Variants in MANBA observed in about 807,000 individuals in gnomAD.
MANBA encodes the protein beta-mannosidase.
MANBA carries 83 observed loss-of-function variants against 111.1 expected under a neutral mutation model. The observed-to-expected ratio is 0.75, with a 90% CI of 0.63 to 0.90. The LOEUF is 0.90. Among genes scored for constraint, MANBA ranks in the 40% least tolerant of loss-of-function variants. The pLI is 0.00. For missense variants in MANBA, 1,036 were observed against 1,069.0 expected, an observed-to-expected ratio of 0.97 and a Z score of 0.43; for synonymous variants, 370 against 378.7, an observed-to-expected ratio of 0.98 and a Z score of 0.27.
chr4:102,680,295 T>C (rs1470163997), intron 7 of MANBA, among the ~76,000 whole-genome samples: 1 of 152,204 alleles, frequency 6.6e-6, no homozygotes, highest in Non-Finnish European at 1.5e-5. Flanking sequence ...TGGAGTCTAT[T>C]TGCAAATATT....
chr4:102,734,320 G>A lies in MANBA; in HGVS notation c.178-7637C>T, dbSNP rs1578949120. 4 of 1,579,898 alleles carry A rather than the reference G, an allele frequency of 2.5e-6. No individual in the cohort carries two copies. In the East Asian group the frequency reaches 9.1e-5, roughly 36 times the overall value. ...GTGAGAGTTGGCTCTGAAGAGTGGT[G>A]AGTCAGAAGAGACCTCAGGCAGCAA... On this transcript the variant is annotated intron_variant, in intron 1 of 16. Coordinates refer to ENST00000647097, the MANE Select transcript of MANBA (RefSeq NM_005908.4).
At chr4:102,685,214 T>C (rs1165122794) in intron 7 of MANBA, among the ~76,000 whole-genome samples, 1 of 152,190 alleles carries the variant, frequency 6.6e-6, no homozygotes, top group South Asian at 2.1e-4. Context: ...TTCTTGAACA[T>C]GTTGACAGTT....
At chr4:102,740,110 C>G (rs1723348129) in intron 1 of MANBA, among the ~76,000 whole-genome samples, 1 of 152,184 alleles carries the variant, frequency 6.6e-6, no homozygotes, top group South Asian at 2.1e-4. Flanking sequence ...GATACCAAAT[C>G]AACGTACACA....
intron 5 of MANBA, among the ~76,000 whole-genome samples, chr4:102,709,213 G>A (rs910156951): frequency 6.7e-6 from 1 of 148,318 alleles, no homozygotes; most frequent in Non-Finnish European, 1.5e-5. Context: ...GCAAGGCAAG[G>A]CAGAAAAGGA....
At chr4:102,684,926 T>A (rs1560772486) in intron 7 of MANBA, among the ~76,000 whole-genome samples, 1 of 152,168 alleles carries the variant, frequency 6.6e-6, no homozygotes, top group Non-Finnish European at 1.5e-5. Flanking sequence ...ATTTACTATT[T>A]TCAGACCACA....
chr4:102,713,896 CAAAAAAAAAA>C (rs987115592), intron 5 of MANBA, among the ~76,000 whole-genome samples: 2 of 68,448 alleles, frequency 2.9e-5, no homozygotes, highest in East Asian at 4.3e-4. Context: ...AACTCCATCT[CAAAAAAAAAA>C]AAAAAAAAAG....
chr4:102,691,202 A>G (rs1398386258), intron 5 of MANBA, among the ~76,000 whole-genome samples: 1 of 152,132 alleles, frequency 6.6e-6, no homozygotes, highest in African/African-American at 2.4e-5. Context: ...AATAAGGTAT[A>G]AATTTATATG....
At position 102,754,479 on chromosome 4, in the gene MANBA, T is replaced by C. The variant is rs116028212; in HGVS notation, c.177+6239A>G. Among the ~76,000 whole-genome samples, 789 of 152,284 alleles carry C rather than the reference T, an allele frequency of 5.2e-3. 7 individuals are homozygous for C. The highest frequency in any genetic ancestry group is 0.018 in the African/African-American group (742 of 41,560). ...TTTTTAAAAAGCCACTAAACATGGT[T>C]TATAGAAACCTGTTTAATGCAGGTA... On this transcript the variant is annotated intron_variant, in intron 1 of 16. Transcript: ENST00000647097.
intron 1 of MANBA, chr4:102,734,273 T>C (rs372304268): frequency 7.4e-7 from 1 of 1,355,828 alleles, no homozygotes; most frequent in South Asian, 1.4e-5. Context: ...AGTCTACTCT[T>C]CCGGGGGAGA....
chr4:102,694,566 A>T (rs1332244459), intron 5 of MANBA, among the ~76,000 whole-genome samples: 2 of 152,108 alleles, frequency 1.3e-5, no homozygotes, highest in Middle Eastern at 3.2e-3. Flanking sequence ...CCATGTCTTG[A>T]AGAACACTTA....
intron 12 of MANBA, among the ~76,000 whole-genome samples, chr4:102,657,238 G>GGGGGGGGGGGGA (rs1730605431): frequency 9.5e-6 from 1 of 105,110 alleles, no homozygotes; most frequent in African/African-American, 3.5e-5. Context: ...GGGGGTGGGC[G>GGGGGGGGGGGGA]GTGGTAATGG....
intron 10 of MANBA, chr4:102,666,386 A>C (rs1006227749): frequency 2.0e-5 from 3 of 152,264 alleles, no homozygotes; most frequent in Non-Finnish European, 4.4e-5. Flanking sequence ...TTTGTGAATA[A>C]TCCACAGAGT....
At chr4:102,664,641 A>G (rs1187182264) in intron 11 of MANBA, 44 bp downstream of exon 11, 1 of 1,559,836 alleles carries the variant, frequency 6.4e-7, no homozygotes, top group Non-Finnish European at 8.8e-7. Flanking sequence ...CCCAGCCCTA[A>G]AGATACATTC....
chr4:102,699,830 G>T (rs1341983084), intron 5 of MANBA, among the ~76,000 whole-genome samples: 18 of 150,588 alleles, frequency 1.2e-4, no homozygotes, highest in African/African-American at 4.4e-4. Flanking sequence ...TTTTTTGGTT[G>T]TGTCTCTGCC....
At chr4:102,666,848 G>A (rs780745944) in intron 10 of MANBA, 1 of 152,330 alleles carries the variant, frequency 6.6e-6, no homozygotes, top group Non-Finnish European at 1.5e-5. Context: ...AGTGCAGCCA[G>A]GCCGGAAGCC....
At chr4:102,702,612 T>TAG (rs1733111331) in intron 5 of MANBA, among the ~76,000 whole-genome samples, 1 of 152,298 alleles carries the variant, frequency 6.6e-6, no homozygotes, top group South Asian at 2.1e-4. Flanking sequence ...TGGAGTTTGC[T>TAG]AGAGGTCCAC....
chr4:102,729,271 T>C (rs1050118755), intron 1 of MANBA: 5 of 753,476 alleles, frequency 6.6e-6, no homozygotes, highest in Non-Finnish European at 9.9e-6. Flanking sequence ...CTTTGTACAC[T>C]GCAGGTCATC....
At chr4:102,733,770 T>G (rs1054109927) in intron 1 of MANBA, among the ~76,000 whole-genome samples, 11 of 152,268 alleles carry the variant, frequency 7.2e-5, no homozygotes, top group Non-Finnish European at 8.8e-5. Flanking sequence ...AAACCCACTA[T>G]TCTTCCATGG....
rs758082396 is a variant in MANBA at position 102,726,648 on chromosome 4, T to G, written c.213A>C (p.Arg71Ser). 1 of 1,574,726 alleles carries G rather than the reference T, an allele frequency of 6.4e-7. No homozygotes were observed. The highest frequency in any genetic ancestry group is 8.7e-7 in the Non-Finnish European group (1 of 1,144,792). Residue 71 changes from arginine to serine, a missense_variant, in exon 2 of 17, where the codon AGA (arginine) becomes AGC (serine). Arg to Ser is a moderately radical substitution (Grantham distance 110). Transcript: ENST00000647097. Reference sequence around the variant, plus strand: ...AGGTCCAGTTATCCAAAGAGACCCATCTGTAGTTAAGGTCATTAAATCTGT... The same window carrying G: ...AGGTCCAGTTATCCAAAGAGACCCAGCTGTAGTTAAGGTCATTAAATCTGT... ...SYYRFNDLNYRWVSLDNWTYS... is the reference protein window; with the variant it reads ...SYYRFNDLNYSWVSLDNWTYS...
Sources: gnomAD v4.1 joint callset for allele counts (sites outside exome capture counted in the v4.1 genomes callset) on GRCh38, gnomAD v4.1.1 for gene constraint, MANE v1.5 for transcripts, NCBI Gene and HGNC (gene_info 2026-07-23, HGNC 2026-07-21) for gene names.